The following COL26A1 variants were observed in gnomAD, a reference collection of about 807,000 sequenced individuals.
COL26A1 encodes the protein collagen alpha-1(XXVI) chain.
A neutral mutation model predicts 59.3 loss-of-function variants in COL26A1; 41 were observed. The ratio of observed to expected loss-of-function variants is 0.69; its 90% CI spans 0.54 to 0.90. The LOEUF is 0.90. Among genes scored for constraint, COL26A1 ranks in the 40% least tolerant of loss-of-function variants. The pLI is 0.00. For synonymous variants in COL26A1, 266 were observed against 256.0 expected, an observed-to-expected ratio of 1.04 and a Z score of -0.37; for missense variants, 612 against 602.3, an observed-to-expected ratio of 1.02 and a Z score of -0.17.
intron 2 of COL26A1, among the ~76,000 whole-genome samples, chr7:101,421,384 A>G (rs1792514815): frequency 6.6e-6 from 1 of 152,176 alleles, no homozygotes; most frequent in Non-Finnish European, 1.5e-5. Context: ...ACTGATTTAA[A>G]TTAATCTTGG....
chr7:101,498,063 CA>C, intron 3 of COL26A1, among the ~76,000 whole-genome samples: 2 of 152,276 alleles, frequency 1.3e-5, no homozygotes, highest in South Asian at 4.1e-4. Context: ...ACACAGAGAA[CA>C]AAAAGCCAAT....
At position 101,433,877 on chromosome 7, in the gene COL26A1, T is replaced by A. The variant is rs77080474; in HGVS notation, c.281+13778T>A. ...TTGAAGGCAGGATGCTCTGTCCTCATCTCATTATTCCCAGGACTTTACTAC... is the reference window on the plus strand; with the variant it reads ...TTGAAGGCAGGATGCTCTGTCCTCAACTCATTATTCCCAGGACTTTACTAC... On this transcript the variant is annotated intron_variant, in intron 2 of 12. Transcript: ENST00000313669. 2.6e-4 allele frequency among the ~76,000 whole-genome samples: 40 copies of A among 152,192 alleles called. No homozygotes were observed. The East Asian group carries it at 7.2e-3, about 27-fold the overall frequency.
rs527400899 is a variant in COL26A1 at position 101,396,342 on chromosome 7, A to G, written c.159-23635A>G. 1.1e-4 allele frequency among the ~76,000 whole-genome samples: 16 copies of G among 152,208 alleles called. No homozygotes were observed. The East Asian group carries it at 3.1e-3, about 29-fold the overall frequency. ...CAGGCCAAGGTTCAAATCCCATAGC[A>G]TGGCACTTAAGGCCTTTGTCTCTTC... On this transcript the variant is annotated intron_variant, in intron 1 of 12. Coordinates refer to ENST00000313669, the MANE Select transcript of COL26A1 (RefSeq NM_001278563.3).
intron 2 of COL26A1, among the ~76,000 whole-genome samples, chr7:101,439,553 G>GAAA (rs574285424): frequency 4.9e-5 from 4 of 81,930 alleles, no homozygotes; most frequent in Admixed American, 3.3e-4. Flanking sequence ...GACTCCGTCT[G>GAAA]AAAAAAAAAA....
At chr7:101,413,604 G>A (rs1007859216) in intron 1 of COL26A1, among the ~76,000 whole-genome samples, 6 of 152,164 alleles carry the variant, frequency 3.9e-5, no homozygotes, top group African/African-American at 1.4e-4. Flanking sequence ...TTTGGGAGCA[G>A]ATCCGTCCTC....
intron 3 of COL26A1, among the ~76,000 whole-genome samples, chr7:101,501,574 G>A (rs1025948922): frequency 1.3e-5 from 2 of 151,842 alleles, no homozygotes; most frequent in African/African-American, 4.8e-5. Flanking sequence ...TCCAGGAGCT[G>A]CCCCTCTTTT....
intron 1 of COL26A1, among the ~76,000 whole-genome samples, chr7:101,399,884 T>C (rs1171407586): frequency 6.6e-6 from 1 of 152,240 alleles, no homozygotes; most frequent in Admixed American, 6.5e-5. Context: ...AGTTCTTCCA[T>C]GGCCCCCGCT....
At chr7:101,489,659 T>TCC (rs1563007292) in intron 3 of COL26A1, among the ~76,000 whole-genome samples, 12 of 69,124 alleles carry the variant, frequency 1.7e-4, no homozygotes, top group Admixed American at 2.6e-4. Context: ...CTTTCTTTCT[T>TCC]TCTTCCTTCC....
At chr7:101,526,027 G>A (rs199700725) in intron 3 of COL26A1, among the ~76,000 whole-genome samples, 5 of 151,860 alleles carry the variant, frequency 3.3e-5, no homozygotes, top group African/African-American at 9.7e-5. Flanking sequence ...GCAGAACTGC[G>A]TTTTCTTTTT....
chr7:101,551,056 G>A (rs1795849319), intron 9 of COL26A1, 52 bp from the exon 10 acceptor site: 1 of 1,546,882 alleles, frequency 6.5e-7, no homozygotes, highest in Admixed American at 2.0e-5. Flanking sequence ...GAGGGCACTG[G>A]AGACTTGGCC....
chr7:101,369,835 C>A (rs750550401), intron 1 of COL26A1, among the ~76,000 whole-genome samples: 1 of 151,876 alleles, frequency 6.6e-6, no homozygotes, highest in Non-Finnish European at 1.5e-5. Context: ...TCTTGGGGTA[C>A]ATTTTGAAGA....
At chr7:101,508,739 C>G (rs1214369898) in intron 3 of COL26A1, among the ~76,000 whole-genome samples, 5 of 152,148 alleles carry the variant, frequency 3.3e-5, no homozygotes, top group African/African-American at 1.2e-4. Context: ...GGAGAGACCC[C>G]TAATCTTTGC....
chr7:101,425,027 A>G (rs1792610107), intron 2 of COL26A1, among the ~76,000 whole-genome samples: 1 of 151,944 alleles, frequency 6.6e-6, no homozygotes, highest in Non-Finnish European at 1.5e-5. Context: ...GGCTCAAGCA[A>G]TCCTTCTGCC....
In COL26A1 at chr7:101,520,282, C is replaced by T. The variant is rs1795112862; in HGVS notation, c.386-12800C>T. Among the ~76,000 whole-genome samples, 3 of 152,182 alleles carry T rather than the reference C, an allele frequency of 2.0e-5. No homozygotes were observed. The South Asian group carries it at 6.2e-4, about 31-fold the overall frequency. The stretch of plus-strand genomic sequence containing the variant: ...AAGCCCACCCAACACCTGCCTGGGG[C>T]AGGCAGGGCAGCTCAGCTAGAGACG... On this transcript the variant is annotated intron_variant, in intron 3 of 12. Coordinates refer to ENST00000313669, the MANE Select transcript of COL26A1 (RefSeq NM_001278563.3).
At position 101,524,258 on chromosome 7, in the gene COL26A1, G is replaced by A. The variant is rs192034184; in HGVS notation, c.386-8824G>A. ...TGCACTCCAGCCTGGGTGACAGAGTGAGACTCTGTCTCAAAGAAAAAAAAA... is the reference window on the plus strand; with the variant it reads ...TGCACTCCAGCCTGGGTGACAGAGTAAGACTCTGTCTCAAAGAAAAAAAAA... On this transcript the variant is annotated intron_variant, in intron 3 of 12. Transcript: ENST00000313669. Among the ~76,000 whole-genome samples, 419 of 149,624 alleles carry A rather than the reference G, an allele frequency of 2.8e-3. 1 individual carries two copies. Among genetic ancestry groups the A allele is most frequent in the Non-Finnish European group, 3.8e-3 (258 of 67,580 alleles).
At chr7:101,473,816 C>T (rs1302530727) in intron 3 of COL26A1, among the ~76,000 whole-genome samples, 1 of 151,634 alleles carries the variant, frequency 6.6e-6, no homozygotes, top group East Asian at 1.9e-4. Flanking sequence ...ATTATTCCAC[C>T]AAACCGCAGC....
At chr7:101,387,765 TATA>T (rs1227804163) in intron 1 of COL26A1, among the ~76,000 whole-genome samples, 5 of 49,150 alleles carry the variant, frequency 1.0e-4, no homozygotes, top group African/African-American at 2.8e-4. Context: ...TATATATATA[TATA>T]TATATATATA....
intron 3 of COL26A1, among the ~76,000 whole-genome samples, chr7:101,478,033 A>T (rs1794086430): frequency 6.6e-6 from 1 of 152,072 alleles, no homozygotes; most frequent in Admixed American, 6.6e-5. Context: ...CCCAGGCTGG[A>T]GGGCAATGGC....
At chr7:101,373,590 C>T (rs1791242663) in intron 1 of COL26A1, among the ~76,000 whole-genome samples, 1 of 152,278 alleles carries the variant, frequency 6.6e-6, no homozygotes, top group South Asian at 2.1e-4. Flanking sequence ...GCCTCTGCCT[C>T]AGTGCACGTT....
Sources: allele counts gnomAD v4.1 joint callset (sites outside exome capture counted in the v4.1 genomes callset), GRCh38; gene constraint gnomAD v4.1.1; transcripts MANE v1.5; gene names NCBI Gene and HGNC (gene_info 2026-07-23, HGNC 2026-07-21).